Variants in PTPRT observed in about 807,000 individuals in gnomAD.
PTPRT encodes receptor-type tyrosine-protein phosphatase T.
In PTPRT, 56 loss-of-function variants were observed where a neutral mutation model predicts 176.8. The observed-to-expected ratio is 0.32, with a 90% CI of 0.26 to 0.40. The LOEUF is 0.40. Ranked by LOEUF, PTPRT falls within the 10% of genes least tolerant of loss-of-function variation. The probability of loss-of-function intolerance (pLI) is 1.00; values close to 1 mark genes in which losing one functional copy is unlikely to be tolerated. For missense variants in PTPRT, 1,540 were observed against 1,908.2 expected, an observed-to-expected ratio of 0.81 and a Z score of 3.60; for synonymous variants, 783 against 739.0, an observed-to-expected ratio of 1.06 and a Z score of -0.96.
intron 3 of PTPRT, among the ~76,000 whole-genome samples, chr20:42,785,417 C>A (rs919135212): frequency 6.6e-6 from 1 of 152,172 alleles, no homozygotes; most frequent in Non-Finnish European, 1.5e-5. Flanking sequence ...TGTACAGGAC[C>A]AGAGCTCCAG....
At chr20:42,654,148 C>T (rs1350743239) in intron 7 of PTPRT, among the ~76,000 whole-genome samples, 5 of 151,984 alleles carry the variant, frequency 3.3e-5, no homozygotes, top group East Asian at 1.9e-4. Flanking sequence ...ACTATGTAAA[C>T]TGAGGGAGAA....
intron 7 of PTPRT, among the ~76,000 whole-genome samples, chr20:42,673,352 T>A (rs1307158542): frequency 6.6e-6 from 1 of 152,176 alleles, no homozygotes; most frequent in Admixed American, 6.5e-5. Flanking sequence ...CATCACTCAG[T>A]GGAATCCTTA....
At chr20:43,071,353 T>C (rs558269218) in intron 1 of PTPRT, among the ~76,000 whole-genome samples, 3 of 152,222 alleles carry the variant, frequency 2.0e-5, no homozygotes, top group Non-Finnish European at 2.9e-5. Flanking sequence ...GCCCAGCCAT[T>C]TGTGGTTGAA....
intron 9 of PTPRT, among the ~76,000 whole-genome samples, chr20:42,435,683 T>C (rs759384320): frequency 3.9e-5 from 6 of 152,214 alleles, no homozygotes; most frequent in Admixed American, 6.5e-5. Flanking sequence ...ATACAGAGAT[T>C]GAATATCATA....
chr20:42,456,191 A>G (rs1329303469), intron 8 of PTPRT, among the ~76,000 whole-genome samples: 2 of 152,006 alleles, frequency 1.3e-5, no homozygotes, highest in African/African-American at 2.4e-5. Flanking sequence ...TTAAGAAAAT[A>G]CCACATACTT....
chr20:42,182,869 C>T (rs1469114768), intron 16 of PTPRT, among the ~76,000 whole-genome samples: 1 of 151,092 alleles, frequency 6.6e-6, no homozygotes, highest in Admixed American at 6.6e-5. Context: ...GTTGGCCATA[C>T]CCGTTGGGTT....
In PTPRT at chr20:42,080,794, C is replaced by A. The variant is rs2146085361; in HGVS notation, c.*85G>T. 7.1e-7 allele frequency: 1 copy of A among 1,398,924 alleles called. No homozygotes were observed. Among genetic ancestry groups the A allele is most frequent in the South Asian group, 1.2e-5 (1 of 85,882 alleles). The allele number at this position is 1,398,924 out of a possible 1,614,324, so 86.7% of individuals were successfully genotyped here. A position where few individuals can be genotyped will look rare whatever the true frequency, so the allele number is the denominator to read the frequency against. On this transcript the variant is annotated 3_prime_UTR_variant, in exon 31 of 31. Coordinates refer to ENST00000373187, the MANE Select transcript of PTPRT (RefSeq NM_007050.6). ...TCAGGCAGGGTGCCACCTCAGAGCT[C>A]CTGAGCCCAGTTACTGCCATTCACA...
intron 22 of PTPRT, among the ~76,000 whole-genome samples, chr20:42,111,907 C>T (rs892473746): frequency 6.6e-6 from 1 of 152,122 alleles, no homozygotes; most frequent in Non-Finnish European, 1.5e-5. Context: ...TGGGCACAGG[C>T]CTGGGGACAG....
intron 1 of PTPRT, among the ~76,000 whole-genome samples, chr20:42,922,603 T>C (rs772381509): frequency 2.6e-5 from 4 of 152,190 alleles, no homozygotes; most frequent in Non-Finnish European, 5.9e-5. Context: ...GTTTCCTTAG[T>C]CTTGCCCACA....
intron 9 of PTPRT, among the ~76,000 whole-genome samples, chr20:42,374,248 C>T (rs1461303074): frequency 6.6e-6 from 1 of 152,178 alleles, no homozygotes; most frequent in Non-Finnish European, 1.5e-5. Context: ...GTCTGCTGCC[C>T]TCTGAGGTTC....
At chr20:42,177,048 T>C (rs1461248441) in intron 16 of PTPRT, among the ~76,000 whole-genome samples, 2 of 152,230 alleles carry the variant, frequency 1.3e-5, no homozygotes, top group African/African-American at 4.8e-5. Flanking sequence ...TACCACTAAA[T>C]TATCTTGCAC....
In PTPRT at chr20:42,718,191, A is replaced by G. The variant is rs114751230; in HGVS notation, c.859+38271T>C. Among the ~76,000 whole-genome samples, 755 of 152,370 alleles carry G rather than the reference A, an allele frequency of 5.0e-3. 8 individuals are homozygous for G. Among genetic ancestry groups the G allele is most frequent in the African/African-American group, 0.018 (735 of 41,584 alleles). On this transcript the variant is annotated intron_variant, in intron 6 of 30. Transcript: ENST00000373187. ...AATAGAAACAACTCAGATGTCTGTA[A>G]GCAGTAGAATGGATACATTTTGGTA... is the stretch of plus-strand genomic sequence containing the variant.
chr20:42,127,024 C>A (rs1030942550), intron 19 of PTPRT, among the ~76,000 whole-genome samples: 12 of 152,106 alleles, frequency 7.9e-5, no homozygotes, highest in Non-Finnish European at 1.5e-4. Context: ...AAACAGAAAC[C>A]AGTCTATGTG....
chr20:42,318,895 G>T (rs965934283), intron 11 of PTPRT, among the ~76,000 whole-genome samples: 3 of 152,114 alleles, frequency 2.0e-5, no homozygotes, highest in African/African-American at 7.2e-5. Flanking sequence ...ACTGTCTCTG[G>T]CCCTCCCGTG....
chr20:42,581,053 C>A (rs1402602605), intron 7 of PTPRT, among the ~76,000 whole-genome samples: 4 of 152,140 alleles, frequency 2.6e-5, no homozygotes, highest in Non-Finnish European at 4.4e-5. Flanking sequence ...TTCACACACT[C>A]AGCTCTAGGC....
In PTPRT at chr20:42,954,601, C is replaced by T. The variant is rs1488511322; in HGVS notation, c.89-68669G>A. Among the ~76,000 whole-genome samples, 4 of 149,506 alleles carry T rather than the reference C, an allele frequency of 2.7e-5. No homozygotes were observed. The East Asian group carries it at 5.8e-4, about 22-fold the overall frequency. ...ACATAGAAGATGCTCAGTCAACGTG[C>T]GTGTTTGCTTTTTTTTTACCATTTG... On this transcript the variant is annotated intron_variant, in intron 1 of 30. Transcript: ENST00000373187.
intron 6 of PTPRT, among the ~76,000 whole-genome samples, chr20:42,726,442 G>C: frequency 6.6e-6 from 1 of 152,204 alleles, no homozygotes; most frequent in East Asian, 1.9e-4. Context: ...GCCATGGAGT[G>C]GATGGTAACT....
intron 6 of PTPRT, among the ~76,000 whole-genome samples, chr20:42,708,595 G>C (rs1203288190): frequency 6.6e-6 from 1 of 152,128 alleles, no homozygotes; most frequent in African/African-American, 2.4e-5. Context: ...AAGATAGCAG[G>C]CATGCTCTAC....
chr20:42,190,094 G>C (rs1248980666), intron 16 of PTPRT, among the ~76,000 whole-genome samples: 1 of 152,012 alleles, frequency 6.6e-6, no homozygotes, highest in Admixed American at 6.6e-5. Context: ...ATTCCTGTAA[G>C]ATATTCAATA....
Sources: allele counts gnomAD v4.1 joint callset (sites outside exome capture counted in the v4.1 genomes callset), GRCh38; gene constraint gnomAD v4.1.1; transcripts MANE v1.5; gene names NCBI Gene and HGNC (gene_info 2026-07-23, HGNC 2026-07-21).